The following ESRRB variants were observed in gnomAD, a reference collection of about 807,000 sequenced individuals.
ESRRB encodes estrogen related receptor beta.
A neutral mutation model predicts 46.0 loss-of-function variants in ESRRB; 16 were observed. That is an observed-to-expected ratio of 0.35 (90% CI 0.24 to 0.53). The LOEUF (loss-of-function observed/expected upper bound fraction) is 0.53, where lower values mean the gene tolerates loss of function less well. Among genes scored for constraint, ESRRB ranks in the 20% least tolerant of loss-of-function variants. The pLI, the probability that ESRRB is intolerant of heterozygous loss-of-function variation, is 0.93. For synonymous variants in ESRRB, 246 were observed against 259.6 expected, an observed-to-expected ratio of 0.95 and a Z score of 0.50; for missense variants, 488 against 607.4, an observed-to-expected ratio of 0.80 and a Z score of 2.07.
In ESRRB at chr14:76,313,828, C is replaced by T. The variant is rs373283653; in HGVS notation, c.2+2912C>T. ...CCCTCCTGCTTTCCCTCCCCCTTTT[C>T]GCCTTTCTTGAAAACACATTTCTAT... On this transcript the variant is annotated intron_variant, in intron 1 of 6. Transcript: ENST00000512784. Among the ~76,000 whole-genome samples the T allele has an allele frequency of 2.3e-4, 35 of 152,254 alleles. 1 individual carries two copies. Among genetic ancestry groups the T allele is most frequent in the African/African-American group, 7.2e-4 (30 of 41,542 alleles).
At position 76,498,811 on chromosome 14, in the gene ESRRB, A is replaced by ATGTGCAT. The variant is rs766999690; in HGVS notation, c.*355_*361dup. ...CTCCACCGAGCCACCAAGAGGCAGC[A>ATGTGCAT]TGTGCATTTCCTAACTCCCTTGCCC... On this transcript the variant is annotated 3_prime_UTR_variant, in exon 7 of 7. Transcript: ENST00000644823. The ATGTGCAT allele has an allele frequency of 2.2e-5, 13 of 582,230 alleles. No homozygotes were observed. The Admixed American group carries it at 2.5e-4, about 11-fold the overall frequency. The allele number at this position is 582,230 out of a possible 1,614,324, so 36.1% of individuals were successfully genotyped here. A position where few individuals can be genotyped will look rare whatever the true frequency, so the allele number is the denominator to read the frequency against.
intron 2 of ESRRB, among the ~76,000 whole-genome samples, chr14:76,446,609 G>A (rs375423352): frequency 2.0e-5 from 3 of 152,240 alleles, no homozygotes; most frequent in African/African-American, 7.2e-5. Context: ...CTTAGGCAAA[G>A]CCACCACTCC....
At chr14:76,377,676 C>A (rs564270907) in intron 1 of ESRRB, among the ~76,000 whole-genome samples, 1 of 152,182 alleles carries the variant, frequency 6.6e-6, no homozygotes, top group African/African-American at 2.4e-5. Flanking sequence ...CCCCCTCCCC[C>A]CAAGAACCAC....
chr14:76,401,038 C>T (rs11159198), intron 1 of ESRRB, among the ~76,000 whole-genome samples: 73,441 of 152,094 alleles, frequency 0.48, 18,706 homozygotes, highest in African/African-American at 0.65. Context: ...CGTTTTACCC[C>T]GGGTGTGATC....
rs747447349 is a variant in ESRRB at position 76,347,416 on chromosome 14, T to TGG, written c.2+36501_2+36502insGG. On this transcript the variant is annotated intron_variant, in intron 1 of 6. Transcript: ENST00000512784. ...ATGGGGACAGTATTTGCTCATGAAGTGTGTGTGTGTGTGTGTGTCACACAC... is the reference window on the plus strand; with the variant it reads ...ATGGGGACAGTATTTGCTCATGAAGTGGGTGTGTGTGTGTGTGTGTCACACAC... 2.3e-5 allele frequency among the ~76,000 whole-genome samples: 2 copies of TGG among 85,108 alleles called. 1 individual carries two copies. The highest frequency in any genetic ancestry group is 7.2e-5 in the African/African-American group (2 of 27,662). 55.8% of individuals were successfully genotyped at this position (85,108 alleles called of 152,430 possible).
chr14:76,334,015 C>G (rs1884095913), intron 1 of ESRRB, among the ~76,000 whole-genome samples: 1 of 152,130 alleles, frequency 6.6e-6, no homozygotes, highest in Admixed American at 6.6e-5. Context: ...GAAGCCCTAC[C>G]TTGGAGTTGT....
At chr14:76,332,608 T>TA (rs374575274) in intron 1 of ESRRB, among the ~76,000 whole-genome samples, 5 of 44,314 alleles carry the variant, frequency 1.1e-4, no homozygotes, top group East Asian at 6.2e-4. Context: ...TATTATATAT[T>TA]TATATATTAT....
intron 5 of ESRRB, among the ~76,000 whole-genome samples, chr14:76,486,232 G>A (rs544758951): frequency 1.3e-5 from 2 of 152,298 alleles, no homozygotes; most frequent in South Asian, 4.1e-4. Context: ...ACCCGAGCCT[G>A]CCATCCTGCC....
intron 1 of ESRRB, among the ~76,000 whole-genome samples, chr14:76,334,273 C>T (rs1346338276): frequency 2.6e-5 from 4 of 152,068 alleles, no homozygotes; most frequent in Admixed American, 1.3e-4. Flanking sequence ...TCCAAGATCG[C>T]AGTTTCCTTT....
At chr14:76,369,065 T>C (rs191598085), upstream of ESRRB, among the ~76,000 whole-genome samples, 46 of 151,552 alleles carry the variant, frequency 3.0e-4, no homozygotes, top group Admixed American at 9.8e-4. Flanking sequence ...GGTGCGGTGG[T>C]GCGTCCCTGT....
At chr14:76,310,799 G>A (rs928948285) in exon 1 of ESRRB, 2 of 453,622 alleles carry the variant, frequency 4.4e-6, no homozygotes, top group Non-Finnish European at 8.8e-6. Flanking sequence ...ACACAGACAG[G>A]GGACTGTCAG....
At position 76,439,532 on chromosome 14, in the gene ESRRB, C is replaced by T; in HGVS notation, c.242C>T (p.Pro81Leu). The T allele has an allele frequency of 1.9e-6, 3 of 1,613,708 alleles. No individual in the cohort carries two copies. The highest frequency in any genetic ancestry group is 1.7e-6 in the Non-Finnish European group (2 of 1,179,978). ...GTHANGLDSP[P>L]MFAGAGLGGT... is the part of the protein sequence containing the mutation. Reference sequence around the variant, plus strand: ...CACGCCAACGGTCTGGACTCGCCACCCATGTTTGCAGGCGCCGGGCTGGGA... The same window carrying T: ...CACGCCAACGGTCTGGACTCGCCACTCATGTTTGCAGGCGCCGGGCTGGGA... The change falls in exon 2 of 7, where the codon CCC (proline) becomes CTC (leucine). Residue 81 changes from proline (P) to leucine (L), a missense_variant. By Grantham distance (98) the Pro-to-Leu change is moderately conservative. Coordinates refer to ENST00000644823, the MANE Select transcript of ESRRB (RefSeq NM_001379180.1).
chr14:76,437,987 C>T (rs1186963915), intron 1 of ESRRB, among the ~76,000 whole-genome samples: 1 of 151,956 alleles, frequency 6.6e-6, no homozygotes, highest in African/African-American at 2.4e-5. Context: ...GGTGGGGAGG[C>T]TCAGTGGGTA....
At chr14:76,315,313 C>T (rs908427909) in intron 1 of ESRRB, among the ~76,000 whole-genome samples, 62 of 152,074 alleles carry the variant, frequency 4.1e-4, no homozygotes, top group African/African-American at 1.4e-3. Context: ...AGGAGCTCCA[C>T]CGAGGAGAGT....
rs368791011 is a variant in ESRRB, at chr14:76,391,281, C to T, written c.50+14830C>T. Among the ~76,000 whole-genome samples, 6 of 152,338 alleles carry T rather than the reference C, an allele frequency of 3.9e-5. No individual in the cohort carries two copies. In the South Asian group the frequency reaches 1.2e-3, roughly 32 times the overall value. ...CAGGTTTCCTGGGTCCCAGCCAACC[C>T]AGGCCCCTGGAATGAGGATTCACAC... On this transcript the variant is annotated intron_variant, in intron 1 of 6. Coordinates refer to ENST00000644823, the MANE Select transcript of ESRRB (RefSeq NM_001379180.1).
At chr14:76,351,431 C>T (rs1299674200) in intron 1 of ESRRB, among the ~76,000 whole-genome samples, 5 of 152,206 alleles carry the variant, frequency 3.3e-5, no homozygotes, top group African/African-American at 1.2e-4. Flanking sequence ...ACTTCAGTCT[C>T]CTCTGTTGTA....
At chr14:76,391,275 C>G (rs535100275) in intron 1 of ESRRB, among the ~76,000 whole-genome samples, 15 of 152,160 alleles carry the variant, frequency 9.9e-5, no homozygotes, top group Non-Finnish European at 1.5e-4. Context: ...TGGGTCCCAG[C>G]CAACCCAGGC....
rs753289058 is a variant in ESRRB at position 76,499,834 on chromosome 14, C to A, written c.*1376C>A. On this transcript the variant is annotated 3_prime_UTR_variant, in exon 7 of 7. Transcript: ENST00000644823. ...TGAAAGTTTTCACTAACTCAAGGGGCAGCCCTGAACACCCATTTGTGCTCA... is the reference window on the plus strand; with the variant it reads ...TGAAAGTTTTCACTAACTCAAGGGGAAGCCCTGAACACCCATTTGTGCTCA... 2.5e-6 allele frequency: 4 copies of A among 1,588,334 alleles called. No homozygotes were observed. Among genetic ancestry groups the A allele is most frequent in the Non-Finnish European group, 3.5e-6 (4 of 1,156,466 alleles).
chr14:76,318,413 AG>A (rs1321789046), intron 1 of ESRRB, among the ~76,000 whole-genome samples: 4 of 152,224 alleles, frequency 2.6e-5, no homozygotes, highest in African/African-American at 9.6e-5. Flanking sequence ...TAAAAATCAG[AG>A]GATAAACATT....
Sources: allele counts gnomAD v4.1 joint callset (sites outside exome capture counted in the v4.1 genomes callset), GRCh38; gene constraint gnomAD v4.1.1; transcripts MANE v1.5; gene names NCBI Gene and HGNC (gene_info 2026-07-23, HGNC 2026-07-21).